The following CNTLN variants were observed in gnomAD, a reference collection of about 807,000 sequenced individuals.
The protein encoded by CNTLN is centlein, also known as centlein, centrosomal protein.
Under a neutral mutation model 180.0 loss-of-function variants are expected in CNTLN, and 212 were observed. The observed-to-expected ratio is 1.18, with a 90% CI of 1.05 to 1.32. The LOEUF (loss-of-function observed/expected upper bound fraction) is 1.32. Among genes scored for constraint, CNTLN ranks in the 40% most tolerant of loss-of-function variants. The probability of loss-of-function intolerance (pLI) is 0.00; values close to 1 mark genes in which losing one functional copy is unlikely to be tolerated. For synonymous variants in CNTLN, 722 were observed against 563.1 expected, an observed-to-expected ratio of 1.28 and a Z score of -3.99; for missense variants, 2,095 against 1,610.9, an observed-to-expected ratio of 1.30 and a Z score of -5.14.
At chr9:17,417,936 G>A (rs930913329) in intron 18 of CNTLN, among the ~76,000 whole-genome samples, 1 of 151,838 alleles carries the variant, frequency 6.6e-6, no homozygotes, top group African/African-American at 2.4e-5. Context: ...GTTACTGCAT[G>A]GTTCATCTGC....
intron 2 of CNTLN, among the ~76,000 whole-genome samples, chr9:17,215,341 T>G (rs1471868025): frequency 6.6e-6 from 1 of 152,212 alleles, no homozygotes; most frequent in Non-Finnish European, 1.5e-5. Context: ...TGCCTGGGTG[T>G]CAGCAGCGGA....
the CNTLN span, among the ~76,000 whole-genome samples, chr9:17,511,871 A>T: frequency 6.6e-6 from 1 of 152,156 alleles, no homozygotes; most frequent in African/African-American, 2.4e-5. Flanking sequence ...TGGACTTAGA[A>T]TAAATATTTA....
chr9:17,367,265 C>A (rs1430786299), intron 13 of CNTLN, among the ~76,000 whole-genome samples: 1 of 152,188 alleles, frequency 6.6e-6, no homozygotes, highest in Non-Finnish European at 1.5e-5. Flanking sequence ...AAAACCGGGC[C>A]AAATGCATCT....
At chr9:17,517,323 C>T in the CNTLN span, among the ~76,000 whole-genome samples, 5 of 150,932 alleles carry the variant, frequency 3.3e-5, no homozygotes, top group South Asian at 2.1e-4. Flanking sequence ...ACCCAGGAGG[C>T]GGAGCTTGCA....
At chr9:17,172,729 T>A (rs1820493645) in intron 2 of CNTLN, among the ~76,000 whole-genome samples, 1 of 152,204 alleles carries the variant, frequency 6.6e-6, no homozygotes, top group Non-Finnish European at 1.5e-5. Flanking sequence ...AAGGCTGAAC[T>A]TAGTAAAATA....
chr9:17,514,880 C>G, the CNTLN span, among the ~76,000 whole-genome samples: 1 of 152,282 alleles, frequency 6.6e-6, no homozygotes, highest in East Asian at 1.9e-4. Flanking sequence ...CCACTTGTTC[C>G]TTCATGTTCT....
At chr9:17,392,214 A>G (rs1284362722) in intron 14 of CNTLN, among the ~76,000 whole-genome samples, 1 of 152,124 alleles carries the variant, frequency 6.6e-6, no homozygotes, top group Non-Finnish European at 1.5e-5. Context: ...CTGAAAAACC[A>G]TGATCGAGCC....
intron 2 of CNTLN, among the ~76,000 whole-genome samples, chr9:17,214,667 T>C (rs1416167473): frequency 6.6e-6 from 1 of 152,236 alleles, no homozygotes; most frequent in Non-Finnish European, 1.5e-5. Context: ...CTTGGTTCCA[T>C]TGTCCCCATC....
intron 23 of CNTLN, among the ~76,000 whole-genome samples, chr9:17,481,581 C>T (rs1288572814): frequency 6.6e-6 from 1 of 152,202 alleles, no homozygotes; most frequent in Non-Finnish European, 1.5e-5. Context: ...CATCATGCAG[C>T]CCAATGTGCA....
In CNTLN at chr9:17,213,807, G is replaced by T. The variant is rs188345200; in HGVS notation, c.450-12396G>T. On this transcript the variant is annotated intron_variant, in intron 2 of 25. Coordinates refer to ENST00000380647, the MANE Select transcript of CNTLN (RefSeq NM_017738.4). ...GTTGAATTGATCCCTTTACCATTAT[G>T]TAGTGGCCTTCTTTGTCTCTTGATC... 2.1e-3 allele frequency among the ~76,000 whole-genome samples: 319 copies of T among 152,280 alleles called. 1 individual carries two copies. Among genetic ancestry groups the T allele is most frequent in the Non-Finnish European group, 2.8e-3 (189 of 68,026 alleles).
chr9:17,407,303 T>C (rs1315188852), intron 15 of CNTLN, among the ~76,000 whole-genome samples: 2 of 152,216 alleles, frequency 1.3e-5, no homozygotes, highest in Non-Finnish European at 2.9e-5. Context: ...TGTGAATGTT[T>C]CTTAAAAGAA....
At chr9:17,393,626 T>A (rs758652039) in intron 14 of CNTLN, among the ~76,000 whole-genome samples, 5 of 152,234 alleles carry the variant, frequency 3.3e-5, no homozygotes, top group Non-Finnish European at 5.9e-5. Flanking sequence ...TGGTTCTACA[T>A]ACCTCACGTT....
chr9:17,338,225 C>T (rs914001780), intron 10 of CNTLN, among the ~76,000 whole-genome samples: 5 of 150,482 alleles, frequency 3.3e-5, no homozygotes, highest in East Asian at 1.9e-4. Flanking sequence ...AGTGCAGTGG[C>T]GCCATCTTTG....
intron 13 of CNTLN, among the ~76,000 whole-genome samples, chr9:17,379,285 A>G (rs1825035345): frequency 6.6e-6 from 1 of 151,114 alleles, no homozygotes; most frequent in African/African-American, 2.4e-5. Flanking sequence ...AAACTTGGGT[A>G]GTTTCCTTAA....
intron 5 of CNTLN, among the ~76,000 whole-genome samples, chr9:17,244,105 TGATG>T (rs2132220464): frequency 6.6e-6 from 1 of 152,276 alleles, no homozygotes; most frequent in African/African-American, 2.4e-5. Flanking sequence ...CTATTTTGTC[TGATG>T]GAGGTATAGC....
chr9:17,150,295 A>G (rs1047531402), intron 2 of CNTLN, among the ~76,000 whole-genome samples: 1 of 152,178 alleles, frequency 6.6e-6, no homozygotes, highest in Non-Finnish European at 1.5e-5. Flanking sequence ...TCTTACGTTT[A>G]AGTCTTTGAT....
chr9:17,313,074 A>G (rs1261171536), intron 8 of CNTLN, among the ~76,000 whole-genome samples: 1 of 152,118 alleles, frequency 6.6e-6, no homozygotes, highest in African/African-American at 2.4e-5. Flanking sequence ...ATAAAATGTC[A>G]TTTTTAACTA....
chr9:17,473,598 A>C (rs202247537), intron 23 of CNTLN, among the ~76,000 whole-genome samples: 4,489 of 148,982 alleles, frequency 0.03, 127 homozygotes, highest in South Asian at 0.12. Flanking sequence ...TTACCAAAAA[A>C]AAAAAAAACA....
At chr9:17,432,884 G>A (rs1829500670) in intron 18 of CNTLN, among the ~76,000 whole-genome samples, 1 of 151,962 alleles carries the variant, frequency 6.6e-6, no homozygotes, top group Non-Finnish European at 1.5e-5. Context: ...AGCCGGGCAT[G>A]GTGGCATGTG....
Sources: gnomAD v4.1 joint callset for allele counts (sites outside exome capture counted in the v4.1 genomes callset) on GRCh38, gnomAD v4.1.1 for gene constraint, MANE v1.5 for transcripts, NCBI Gene and HGNC (gene_info 2026-07-23, HGNC 2026-07-21) for gene names.